Variants in EML5 observed in about 807,000 individuals in gnomAD.
The protein encoded by EML5 is echinoderm microtubule-associated protein-like 5.
EML5 carries 120 observed loss-of-function variants against 250.0 expected under a neutral mutation model. That is an observed-to-expected ratio of 0.48 (90% CI 0.41 to 0.56). The LOEUF (loss-of-function observed/expected upper bound fraction) is 0.56, where lower values mean the gene tolerates loss of function less well. Among genes scored for constraint, EML5 ranks in the 20% least tolerant of loss-of-function variants. The pLI is 0.00. For missense variants in EML5, 2,006 were observed against 2,437.6 expected, an observed-to-expected ratio of 0.82 and a Z score of 3.73; for synonymous variants, 771 against 806.5, an observed-to-expected ratio of 0.96 and a Z score of 0.75.
intron 9 of EML5, among the ~76,000 whole-genome samples, chr14:88,712,921 G>A (rs1012536201): frequency 2.6e-5 from 4 of 152,156 alleles, no homozygotes; most frequent in African/African-American, 9.7e-5. Context: ...AAGGATGAGT[G>A]TAGGATAATA....
In EML5 at chr14:88,732,888, G is replaced by T. The variant is rs114085148; in HGVS notation, c.1049+3476C>A. Among the ~76,000 whole-genome samples the T allele has an allele frequency of 3.6e-3, 550 of 152,216 alleles. 3 individuals are homozygous for T. The highest frequency in any genetic ancestry group is 0.012 in the African/African-American group (508 of 41,522). On this transcript the variant is annotated intron_variant, in intron 7 of 43. Coordinates refer to ENST00000554922, the MANE Select transcript of EML5 (RefSeq NM_183387.3). ...TGCAGTGGCGCGATCTCAGCTTATT[G>T]CAACTTCTGCCTCCCAGGTTCTAGC...
intron 1 of EML5, among the ~76,000 whole-genome samples, chr14:88,781,523 C>T (rs966137693): frequency 6.6e-6 from 1 of 152,044 alleles, no homozygotes; most frequent in Non-Finnish European, 1.5e-5. Flanking sequence ...ATATCCTTAT[C>T]CCCTCTTTGC....
chr14:88,700,898 A>C (rs1264220964), intron 14 of EML5, among the ~76,000 whole-genome samples: 1 of 152,198 alleles, frequency 6.6e-6, no homozygotes, highest in Non-Finnish European at 1.5e-5. Context: ...ACTAATGTCC[A>C]TAATGCATTC....
At chr14:88,677,166 T>C (rs1247983373) in intron 21 of EML5, among the ~76,000 whole-genome samples, 6 of 152,132 alleles carry the variant, frequency 3.9e-5, no homozygotes, top group South Asian at 2.1e-4. Context: ...TGGCCTCCCA[T>C]AGTGCTAGGA....
At chr14:88,629,919 A>G (rs950808145) in intron 33 of EML5, among the ~76,000 whole-genome samples, 1 of 152,046 alleles carries the variant, frequency 6.6e-6, no homozygotes, top group African/African-American at 2.4e-5. Context: ...TAGAGATGCC[A>G]TAAGTGTCTC....
intron 35 of EML5, chr14:88,626,374 C>T (rs762526660): frequency 1.1e-4 from 18 of 158,460 alleles, no homozygotes; most frequent in Non-Finnish European, 2.1e-4. Flanking sequence ...GTAAACCCAG[C>T]ACTTTGGGAG....
chr14:88,742,365 T>G (rs2093937201), intron 4 of EML5, among the ~76,000 whole-genome samples: 2 of 152,204 alleles, frequency 1.3e-5, no homozygotes, highest in East Asian at 3.9e-4. Context: ...TTTAACTAAT[T>G]TGTGTTTAAA....
chr14:88,740,816 T>G (rs767099718), intron 4 of EML5, among the ~76,000 whole-genome samples: 1 of 152,288 alleles, frequency 6.6e-6, no homozygotes, highest in South Asian at 2.1e-4. Context: ...TGAATCAGAT[T>G]ATTTTTAAAA....
In EML5 at chr14:88,627,744, T is replaced by C. The variant is rs749747754; in HGVS notation, c.4433A>G (p.Lys1478Arg). 1.9e-6 allele frequency: 3 copies of C among 1,612,906 alleles called. No homozygotes were observed. In the Admixed American group the frequency reaches 5.0e-5, roughly 27 times the overall value. Residue 1478 changes from lysine to arginine, a missense_variant, in exon 34 of 44, where the codon AAG becomes AGG. Transcript: ENST00000554922. ...ACTGAAGCTGACTGAACATACTCCC[T>C]TTGAATGGTAGCATCTTAGGATAGA... is the stretch of plus-strand genomic sequence containing the variant. ...TLSILRCYHS[K>R]GVCSVSFSAT...
intron 8 of EML5, among the ~76,000 whole-genome samples, chr14:88,720,613 T>C (rs12589928): frequency 0.16 from 23,637 of 152,110 alleles, 2,100 homozygotes; most frequent in East Asian, 0.28. Context: ...AACTAGATAT[T>C]GAAGGAACAT....
intron 17 of EML5, among the ~76,000 whole-genome samples, chr14:88,692,045 G>A (rs2092970359): frequency 6.6e-6 from 1 of 152,142 alleles, no homozygotes; most frequent in African/African-American, 2.4e-5. Flanking sequence ...TTTTGCATCT[G>A]TGGATTTAAT....
chr14:88,658,257 C>A lies in EML5; in HGVS notation c.3807G>T (p.Glu1269Asp). ...GCCTTTTTTCTCGATAGCCTTCCATCTCATTTGTCCACACCATTAAAGACA... is the reference window on the plus strand; with the variant it reads ...GCCTTTTTTCTCGATAGCCTTCCATATCATTTGTCCACACCATTAAAGACA... ...TDMSLMVWTN[E>D]MEGYREKRPC... The change falls in exon 26 of 44, where the codon GAG becomes GAT. Residue 1269 changes from glutamate (E) to aspartate (D), a missense_variant. Coordinates refer to ENST00000554922, the MANE Select transcript of EML5 (RefSeq NM_183387.3). 7 of 1,613,832 alleles carry A rather than the reference C, an allele frequency of 4.3e-6. No individual in the cohort carries two copies. The highest frequency in any genetic ancestry group is 5.9e-6 in the Non-Finnish European group (7 of 1,179,828).
intron 1 of EML5, among the ~76,000 whole-genome samples, chr14:88,785,869 A>C (rs2094546104): frequency 1.3e-5 from 2 of 152,168 alleles, no homozygotes; most frequent in Non-Finnish European, 2.9e-5. Flanking sequence ...GACTTTGTTA[A>C]ACCGTAAGTC....
At chr14:88,656,965 T>C (rs989141440) in intron 27 of EML5, among the ~76,000 whole-genome samples, 2 of 152,186 alleles carry the variant, frequency 1.3e-5, no homozygotes, top group African/African-American at 2.4e-5. Context: ...TGTTAACACA[T>C]AGTGTTACCA....
At chr14:88,683,654 G>A (rs1035330962) in intron 20 of EML5, among the ~76,000 whole-genome samples, 1 of 152,056 alleles carries the variant, frequency 6.6e-6, no homozygotes, top group Admixed American at 6.6e-5. Context: ...ATTTATCCCA[G>A]GAATGCAAGA....
At chr14:88,671,627 A>G (rs1293786782) in intron 21 of EML5, among the ~76,000 whole-genome samples, 2 of 152,164 alleles carry the variant, frequency 1.3e-5, no homozygotes, top group Non-Finnish European at 2.9e-5. Flanking sequence ...AAGAGTCACA[A>G]CCCACTGGTG....
chr14:88,701,717 A>G (rs2093214007), intron 14 of EML5, among the ~76,000 whole-genome samples: 1 of 152,204 alleles, frequency 6.6e-6, no homozygotes, highest in Admixed American at 6.5e-5. Flanking sequence ...ACAGTGTTTA[A>G]AGCCAGACAG....
chr14:88,712,548 T>C (rs2093424138), intron 9 of EML5, 65 bp from the exon 10 acceptor site: 2 of 1,329,604 alleles, frequency 1.5e-6, no homozygotes, highest in Non-Finnish European at 2.1e-6. Context: ...GCCTAAACTG[T>C]ACTGAGAACA....
intron 4 of EML5, among the ~76,000 whole-genome samples, chr14:88,742,092 A>G (rs1350401966): frequency 6.6e-6 from 1 of 152,170 alleles, no homozygotes; most frequent in Non-Finnish European, 1.5e-5. Flanking sequence ...AAATCATAAA[A>G]TGGGATGCCT....
Sources: gnomAD v4.1 joint callset for allele counts (sites outside exome capture counted in the v4.1 genomes callset) on GRCh38, gnomAD v4.1.1 for gene constraint, MANE v1.5 for transcripts, NCBI Gene and HGNC (gene_info 2026-07-23, HGNC 2026-07-21) for gene names.